CEP162: variants seen among roughly 807,000 people sequenced by gnomAD.
The protein encoded by CEP162 is centrosomal protein 162.
CEP162 carries 141 observed loss-of-function variants against 169.2 expected under a neutral mutation model. That is an observed-to-expected ratio of 0.83 (90% confidence interval 0.73 to 0.96). The LOEUF (loss-of-function observed/expected upper bound fraction) is 0.96. Among genes scored for constraint, CEP162 ranks in the 40% least tolerant of loss-of-function variants. The pLI is 0.00. For synonymous variants in CEP162, 540 were observed against 526.4 expected, an observed-to-expected ratio of 1.03 and a Z score of -0.35; for missense variants, 1,600 against 1,587.2, an observed-to-expected ratio of 1.01 and a Z score of -0.14.
Position 84,171,211 on chromosome 6 carries a change from G to C in CEP162, c.2279+395C>G, listed in dbSNP as rs12192945. 3.9e-3 allele frequency among the ~76,000 whole-genome samples: 591 copies of C among 152,206 alleles called. 1 individual carries two copies. Among genetic ancestry groups the C allele is most frequent in the Non-Finnish European group, 5.9e-3 (402 of 68,016 alleles). On this transcript the variant is annotated intron_variant, in intron 17 of 26. Coordinates refer to ENST00000403245, the MANE Select transcript of CEP162 (RefSeq NM_014895.4). ...CTCAGGCTCTGCTTCTATGGAACCT[G>C]ACCCAAGAAGATCATAAGTGATACT...
chr6:84,128,481 G>C (rs1004829553), intron 25 of CEP162, among the ~76,000 whole-genome samples: 3 of 152,080 alleles, frequency 2.0e-5, no homozygotes, highest in Non-Finnish European at 4.4e-5. Flanking sequence ...ATTAATAAGA[G>C]CCTGAGACCT....
chr6:84,222,873 T>C (rs1485268049), intron 2 of CEP162, among the ~76,000 whole-genome samples: 1 of 152,240 alleles, frequency 6.6e-6, no homozygotes, highest in African/African-American at 2.4e-5. Flanking sequence ...AGAACTTAAC[T>C]GTCTTCACTA....
At chr6:84,196,372 T>G (rs1258076176) in intron 9 of CEP162, among the ~76,000 whole-genome samples, 1 of 152,222 alleles carries the variant, frequency 6.6e-6, no homozygotes, top group Non-Finnish European at 1.5e-5. Flanking sequence ...GAACTGTAAA[T>G]ACAATAAACC....
chr6:84,134,747 G>T (rs1169718404), intron 25 of CEP162, among the ~76,000 whole-genome samples: 2 of 152,156 alleles, frequency 1.3e-5, no homozygotes, highest in Middle Eastern at 3.4e-3. Context: ...CTTTCCTTCT[G>T]TGTTGATCTC....
At chr6:84,165,665 G>A (rs575142459) in intron 18 of CEP162, among the ~76,000 whole-genome samples, 20 of 152,194 alleles carry the variant, frequency 1.3e-4, no homozygotes, top group African/African-American at 4.6e-4. Context: ...ATAAATGTAC[G>A]CTAAACTGAA....
At chr6:84,158,284 G>A (rs55860479) in intron 21 of CEP162, among the ~76,000 whole-genome samples, 8,102 of 152,258 alleles carry the variant, frequency 0.053, 690 homozygotes, top group African/African-American at 0.18. Context: ...TAATCCCTCA[G>A]TTTAAATCTC....
In CEP162 at chr6:84,204,002, T is replaced by C. The variant is rs528200870; in HGVS notation, c.666A>G (p.Glu222=). The change falls in exon 7 of 27, where the codon GAA becomes GAG. Residue 222 remains glutamate, a synonymous_variant. Coordinates refer to ENST00000403245, the MANE Select transcript of CEP162 (RefSeq NM_014895.4). Reference sequence around the variant, plus strand: ...ATACCTGTTTGGGCACACTTATTTTTTCTGATTTGGAATTCTCTTTGGAAG... The same window carrying C: ...ATACCTGTTTGGGCACACTTATTTTCTCTGATTTGGAATTCTCTTTGGAAG... The part of the protein sequence containing the change: ...EMPSKENSKS[E]KISVPKQEEE... 2.5e-6 allele frequency: 4 copies of C among 1,608,256 alleles called. No individual in the cohort carries two copies. Among genetic ancestry groups the C allele is most frequent in the African/African-American group, 2.7e-5 (2 of 74,792 alleles).
chr6:84,183,153 G>C (rs543132051), intron 13 of CEP162, among the ~76,000 whole-genome samples: 6 of 151,136 alleles, frequency 4.0e-5, no homozygotes, highest in African/African-American at 1.5e-4. Flanking sequence ...TTAATAATGT[G>C]TTTTTTTTTA....
intron 5 of CEP162, among the ~76,000 whole-genome samples, chr6:84,214,658 C>T (rs553096683): frequency 2.0e-5 from 3 of 152,280 alleles, no homozygotes; most frequent in African/African-American, 7.2e-5. Flanking sequence ...CTTAATTATA[C>T]CTTTGTGATC....
intron 2 of CEP162, among the ~76,000 whole-genome samples, chr6:84,221,569 C>CT (rs2099553734): frequency 6.6e-6 from 1 of 152,114 alleles, no homozygotes; most frequent in Non-Finnish European, 1.5e-5. Flanking sequence ...TAAGGAAGAA[C>CT]TGAGTTTCAG....
intron 6 of CEP162, among the ~76,000 whole-genome samples, chr6:84,209,437 C>T (rs147036176): frequency 7.3e-5 from 11 of 151,460 alleles, no homozygotes; most frequent in African/African-American, 2.2e-4. Context: ...TGCGATGGCA[C>T]GATCTCGGCT....
At position 84,124,516 on chromosome 6, in the gene CEP162, GCT is replaced by G. The variant is rs1344722336; in HGVS notation, c.*552_*553del. ...CATATATTCTCACTTAAAAGTAGGA[GCT>G]AAACAATGGGTACACAGAGACATAA... On this transcript the variant is annotated 3_prime_UTR_variant, in exon 27 of 27. Coordinates refer to ENST00000403245, the MANE Select transcript of CEP162 (RefSeq NM_014895.4). 6.5e-6 allele frequency: 1 copy of G among 153,406 alleles called. No homozygotes were observed. Among genetic ancestry groups the G allele is most frequent in the African/African-American group, 2.4e-5 (1 of 41,434 alleles). 9.5% of individuals were successfully genotyped at this position (153,406 alleles called of 1,614,324 possible).
At chr6:84,208,975 G>A (rs2099548402) in intron 6 of CEP162, among the ~76,000 whole-genome samples, 1 of 152,242 alleles carries the variant, frequency 6.6e-6, no homozygotes, top group Non-Finnish European at 1.5e-5. Flanking sequence ...AAGGAAAGAG[G>A]AGATATGGGA....
In CEP162 at chr6:84,151,048, G is replaced by A. The variant is rs150040533; in HGVS notation, c.3630-1345C>T. Among the ~76,000 whole-genome samples, 197 of 152,186 alleles carry A rather than the reference G, an allele frequency of 1.3e-3. 4 individuals are homozygous for A. Among genetic ancestry groups the A allele is most frequent in the Admixed American group, 9.4e-3 (144 of 15,256 alleles). On this transcript the variant is annotated intron_variant, in intron 23 of 26. Transcript: ENST00000403245. ...AAGGCAATTTCCTGGGAAGTTCCAC[G>A]AAATGTTTTGTGAAGGTAGTACTTA...
intron 13 of CEP162, among the ~76,000 whole-genome samples, chr6:84,176,394 A>C (rs1265974261): frequency 1.3e-5 from 2 of 152,198 alleles, no homozygotes; most frequent in Non-Finnish European, 2.9e-5. Context: ...TTTCTGGAGA[A>C]ATTTCTAAAA....
At chr6:84,204,211 T>C (rs146438608) in intron 6 of CEP162, 115 bp from the exon 7 acceptor site, 560 of 583,466 alleles carry the variant, frequency 9.6e-4, no homozygotes, top group Admixed American at 2.0e-3. Context: ...TTTATTGAAA[T>C]AGTAACATAA....
At chr6:84,151,011 T>TG (rs1191569008) in intron 23 of CEP162, among the ~76,000 whole-genome samples, 2 of 152,026 alleles carry the variant, frequency 1.3e-5, no homozygotes, top group East Asian at 3.9e-4. Context: ...ATGTAGGAGT[T>TG]GGGGGTAGGA....
At chr6:84,219,921 G>C (rs756960192) in intron 3 of CEP162, among the ~76,000 whole-genome samples, 9 of 152,156 alleles carry the variant, frequency 5.9e-5, no homozygotes, top group Admixed American at 1.3e-4. Context: ...TGTGACAAGA[G>C]AGCTAGAAGA....
At chr6:84,138,646 C>T (rs928827294) in intron 25 of CEP162, among the ~76,000 whole-genome samples, 1 of 152,126 alleles carries the variant, frequency 6.6e-6, no homozygotes, top group South Asian at 2.1e-4. Flanking sequence ...TCATGTGCTG[C>T]GTCTTCTATT....
Sources: gnomAD v4.1 joint callset for allele counts (sites outside exome capture counted in the v4.1 genomes callset) on GRCh38, gnomAD v4.1.1 for gene constraint, MANE v1.5 for transcripts, NCBI Gene and HGNC (gene_info 2026-07-23, HGNC 2026-07-21) for gene names.